Variants in GFRA1 observed in about 807,000 individuals in gnomAD.
GFRA1 encodes the protein GDNF family receptor alpha 1.
Under a neutral mutation model 51.6 loss-of-function variants are expected in GFRA1, and 16 were observed. That is an observed-to-expected ratio of 0.31 (90% CI 0.21 to 0.47). The LOEUF (loss-of-function observed/expected upper bound fraction) is 0.47, where lower values mean the gene tolerates loss of function less well. Ranked by LOEUF, GFRA1 falls within the 20% of genes least tolerant of loss-of-function variation. GFRA1 has a pLI of 1.00. For synonymous variants in GFRA1, 270 were observed against 241.3 expected (o/e 1.12, Z -1.10); for missense variants, 530 against 594.3 (o/e 0.89, Z 1.13).
chr10:116,142,415 A>T (rs1397741883), intron 5 of GFRA1, among the ~76,000 whole-genome samples: 2 of 152,182 alleles, frequency 1.3e-5, no homozygotes, highest in Non-Finnish European at 2.9e-5. Flanking sequence ...TATAAGTTGG[A>T]TTCAAGTAAA....
intron 5 of GFRA1, among the ~76,000 whole-genome samples, chr10:116,129,545 G>A (rs1009326895): frequency 2.6e-5 from 4 of 152,082 alleles, no homozygotes; most frequent in Non-Finnish European, 5.9e-5. Context: ...GAGCAGCTAT[G>A]AAAAACCTAT....
At chr10:116,204,383 C>A (rs528994342) in intron 5 of GFRA1, among the ~76,000 whole-genome samples, 1 of 152,200 alleles carries the variant, frequency 6.6e-6, no homozygotes, top group African/African-American at 2.4e-5. Context: ...TACTTATTTG[C>A]TCTGTCAGCT....
intron 9 of GFRA1, among the ~76,000 whole-genome samples, chr10:116,072,631 C>T (rs188628148): frequency 5.9e-5 from 9 of 152,088 alleles, no homozygotes; most frequent in African/African-American, 1.7e-4. Context: ...CATGTTGGCG[C>T]GCACCTGTAA....
At chr10:116,196,531 T>A (rs1963773393) in intron 5 of GFRA1, among the ~76,000 whole-genome samples, 1 of 133,454 alleles carries the variant, frequency 7.5e-6, no homozygotes, top group East Asian at 2.0e-4. Flanking sequence ...ATTTATATAT[T>A]TATAAATTTA....
intron 6 of GFRA1, among the ~76,000 whole-genome samples, chr10:116,102,991 A>G (rs2133936415): frequency 6.6e-6 from 1 of 152,340 alleles, no homozygotes; most frequent in East Asian, 1.9e-4. Flanking sequence ...AAGCTTTCTC[A>G]GTGGGTCAGT....
chr10:116,256,635 G>A (rs1317931965), intron 4 of GFRA1, among the ~76,000 whole-genome samples: 1 of 152,146 alleles, frequency 6.6e-6, no homozygotes, highest in Non-Finnish European at 1.5e-5. Context: ...TCCCTGGGGT[G>A]AGTGGGCACT....
intron 5 of GFRA1, among the ~76,000 whole-genome samples, chr10:116,136,735 T>C (rs1398827283): frequency 6.6e-6 from 1 of 152,208 alleles, no homozygotes; most frequent in East Asian, 1.9e-4. Context: ...CGGAACTCTT[T>C]CCTGGAAGCC....
intron 5 of GFRA1, among the ~76,000 whole-genome samples, chr10:116,178,214 G>A (rs1961823995): frequency 6.8e-6 from 1 of 146,892 alleles, no homozygotes; most frequent in Non-Finnish European, 1.5e-5. Flanking sequence ...GCTGAATTAG[G>A]AACTATTTGT....
intron 5 of GFRA1, 101 bp from the exon 6 acceptor site, chr10:116,125,658 GCGGCTCT>G: frequency 1.1e-6 from 1 of 923,572 alleles, no homozygotes; most frequent in Non-Finnish European, 1.7e-6. Context: ...GGCATTGCCA[GCGGCTCT>G]AGAACTTAAT....
intron 5 of GFRA1, among the ~76,000 whole-genome samples, chr10:116,158,704 G>A (rs888335490): frequency 6.6e-6 from 1 of 152,210 alleles, no homozygotes; most frequent in Non-Finnish European, 1.5e-5. Flanking sequence ...AAACAAGGAA[G>A]TCCGGGAGAT....
intron 5 of GFRA1, among the ~76,000 whole-genome samples, chr10:116,195,611 C>T (rs1469349352): frequency 1.3e-5 from 2 of 152,142 alleles, no homozygotes; most frequent in Non-Finnish European, 2.9e-5. Context: ...TTTTGCCGGT[C>T]ACTCACCTCC....
chr10:116,097,370 G>C (rs1342862225), intron 6 of GFRA1, among the ~76,000 whole-genome samples: 3 of 152,216 alleles, frequency 2.0e-5, no homozygotes, highest in Non-Finnish European at 4.4e-5. Context: ...GAGGGACAGA[G>C]AGGCTTGCTC....
At chr10:116,093,953 T>C (rs1956467791) in intron 7 of GFRA1, 117 bp from the exon 8 acceptor site, 1 of 952,820 alleles carries the variant, frequency 1.0e-6, no homozygotes, top group South Asian at 1.4e-5. Flanking sequence ...AGACATTGTA[T>C]TTGCTGAGTG....
chr10:116,117,581 ATGGATGGATGGATGGATGGG>A (rs1957474260), intron 6 of GFRA1, among the ~76,000 whole-genome samples: 1 of 116,648 alleles, frequency 8.6e-6, no homozygotes, highest in African/African-American at 3.1e-5. Context: ...GGATGGATGG[ATGGATGGATGGATGGATGGG>A]TGGATGGGTG....
intron 9 of GFRA1, among the ~76,000 whole-genome samples, chr10:116,089,030 T>TA (rs199509880): frequency 0.046 from 6,485 of 141,190 alleles, 186 homozygotes; most frequent in Non-Finnish European, 0.071. Flanking sequence ...GAAAAATCAA[T>TA]AAAAAAGCAG....
chr10:116,223,868 G>A (rs537580843), intron 4 of GFRA1, among the ~76,000 whole-genome samples: 2 of 152,270 alleles, frequency 1.3e-5, no homozygotes, highest in African/African-American at 2.4e-5. Context: ...TGGCAGGCTT[G>A]CCAGGAGTTC....
intron 9 of GFRA1, among the ~76,000 whole-genome samples, chr10:116,088,868 C>A (rs1956209798): frequency 7.4e-6 from 1 of 134,866 alleles, no homozygotes. Flanking sequence ...TTGCAGTGAG[C>A]CGAGATTGCA....
rs1269252908 is a variant in GFRA1, at chr10:116,064,043, CATCATGATCATGATGATCATCATCATG to C, written c.*328_*354del. 8 of 97,248 alleles carry C rather than the reference CATCATGATCATGATGATCATCATCATG, an allele frequency of 8.2e-5. No homozygotes were observed. Among genetic ancestry groups the C allele is most frequent in the Non-Finnish European group, 3.1e-5 (2 of 63,850 alleles). The allele number at this position is 97,248 out of a possible 1,614,324, so 6.0% of individuals were successfully genotyped here. A position where few individuals can be genotyped will look rare whatever the true frequency, so the allele number is the denominator to read the frequency against. On this transcript the variant is annotated 3_prime_UTR_variant, in exon 11 of 11. Coordinates refer to ENST00000355422, the MANE Select transcript of GFRA1 (RefSeq NM_005264.8). ...CCAGAAGTAAAACTGTTAAAATCAT[CATCATGATCATGATGATCATCATCATG>C]ATCATGATGATCATCATCATGATCA... is the stretch of plus-strand genomic sequence containing the variant.
intron 6 of GFRA1, among the ~76,000 whole-genome samples, chr10:116,123,925 T>G (rs1391538777): frequency 6.6e-6 from 1 of 152,180 alleles, no homozygotes; most frequent in Non-Finnish European, 1.5e-5. Flanking sequence ...TTTGTTTGTT[T>G]TGAGACAGGG....
Sources: allele counts gnomAD v4.1 joint callset (sites outside exome capture counted in the v4.1 genomes callset), GRCh38; gene constraint gnomAD v4.1.1; transcripts MANE v1.5; gene names NCBI Gene and HGNC (gene_info 2026-07-23, HGNC 2026-07-21).